GIGYF2: variants seen among roughly 807,000 people sequenced by gnomAD.
The protein encoded by GIGYF2 is GRB10-interacting GYF protein 2.
GIGYF2 carries 25 observed loss-of-function variants against 208.1 expected under a neutral mutation model. The observed-to-expected ratio is 0.12, with a 90% CI of 0.09 to 0.17. GIGYF2 has a LOEUF of 0.17. Ranked by LOEUF, GIGYF2 falls within the 10% of genes least tolerant of loss-of-function variation. The pLI is 1.00. For synonymous variants in GIGYF2, 534 were observed against 543.8 expected (o/e 0.98, Z 0.25); for missense variants, 1,302 against 1,579.4 (o/e 0.82, Z 2.98).
At chr2:232,742,340 AG>A (rs1336066725) in intron 3 of GIGYF2, among the ~76,000 whole-genome samples, 2 of 152,192 alleles carry the variant, frequency 1.3e-5, no homozygotes, top group African/African-American at 4.8e-5. Flanking sequence ...CAGGAGTTCA[AG>A]ACCAGCCTGA....
chr2:232,775,548 T>C (rs566391825), intron 8 of GIGYF2, among the ~76,000 whole-genome samples: 21 of 152,240 alleles, frequency 1.4e-4, no homozygotes, highest in African/African-American at 4.8e-4. Context: ...CAATAGAAAG[T>C]GAGGTGGAAG....
At chr2:232,799,281 C>T (rs906962724) in intron 14 of GIGYF2, among the ~76,000 whole-genome samples, 4 of 151,868 alleles carry the variant, frequency 2.6e-5, no homozygotes, top group Non-Finnish European at 5.9e-5. Context: ...TGGTGGTTCA[C>T]GCCTGTAATT....
chr2:232,794,813 A>T lies in GIGYF2; in HGVS notation c.1348A>T (p.Ile450Leu), dbSNP rs753211238. The T allele has an allele frequency of 1.2e-6, 2 of 1,613,628 alleles. No individual in the cohort carries two copies. The highest frequency in any genetic ancestry group is 1.7e-6 in the Non-Finnish European group (2 of 1,179,706). The change falls in exon 13 of 29, where the codon ATA becomes TTA. Residue 450 changes from isoleucine (I) to leucine (L), a missense_variant. Physicochemically the swap from Ile to Leu is conservative, Grantham distance 5. Around this residue, in one of 8 missense-constraint regions of GIGYF2, gnomAD observed 235 missense variants for 218.8 expected, o/e 1.07. Transcript: ENST00000373563. ...IPSDTASPLLILPPPVPNPSP... is the reference protein window; with the variant it reads ...IPSDTASPLLLLPPPVPNPSP... ...TTCAGATACAGCCTCTCCTCTTCTC[A>T]TACTTCCACCTCCTGTTCCCAATCC...
chr2:232,814,805 A>G (rs1354569600), intron 18 of GIGYF2, among the ~76,000 whole-genome samples: 3 of 152,140 alleles, frequency 2.0e-5, no homozygotes, highest in African/African-American at 4.8e-5. Context: ...TAAACAATTT[A>G]TCTCTTTGGG....
At chr2:232,773,284 C>T (rs1397307174) in intron 8 of GIGYF2, among the ~76,000 whole-genome samples, 1 of 152,182 alleles carries the variant, frequency 6.6e-6, no homozygotes, top group African/African-American at 2.4e-5. Context: ...TTCATAGGCA[C>T]TGTGATAACT....
In GIGYF2 at chr2:232,787,207, T is replaced by C. The variant is rs758825740; in HGVS notation, c.590T>C (p.Ile197Thr). The change falls in exon 9 of 29, where the codon ATA becomes ACA. Residue 197 changes from isoleucine (I) to threonine (T), a missense_variant. Coordinates refer to ENST00000373563, the MANE Select transcript of GIGYF2 (RefSeq NM_001103146.3). Reference protein sequence around the residue: ...PTSVGRKHEFIRSESENWRIF... With the variant: ...PTSVGRKHEFTRSESENWRIF... ...TCAGTAGGGAGAAAGCATGAATTTA[T>C]ACGCTCAGAAAGTGAAAATTGGCGC... The C allele has an allele frequency of 6.2e-7, 1 of 1,614,070 alleles. No individual in the cohort carries two copies. Among genetic ancestry groups the C allele is most frequent in the Non-Finnish European group, 8.5e-7 (1 of 1,179,974 alleles).
rs1418699037 is a variant in GIGYF2, at chr2:232,768,553, G to A, written c.532+7117G>A. On this transcript the variant is annotated intron_variant, in intron 8 of 28. Transcript: ENST00000373563. ...GGTGTAATGGAGTGATAGTACGTTA[G>A]TGGAAAGATGAAGAATGGACATTCG... 27 of 1,614,044 alleles carry A rather than the reference G, an allele frequency of 1.7e-5. No individual in the cohort carries two copies. The highest frequency in any genetic ancestry group is 2.7e-5 in the African/African-American group (2 of 74,936).
chr2:232,759,270 T>G (rs1698658739), intron 6 of GIGYF2, among the ~76,000 whole-genome samples: 1 of 152,194 alleles, frequency 6.6e-6, no homozygotes, highest in Admixed American at 6.5e-5. Context: ...ATCATTTTTC[T>G]TTGGGTCATT....
chr2:232,762,712 A>G (rs1698797070), intron 8 of GIGYF2, among the ~76,000 whole-genome samples: 1 of 152,184 alleles, frequency 6.6e-6, no homozygotes, highest in African/African-American at 2.4e-5. Context: ...TCATTTATGA[A>G]TGTGGCATTG....
intron 27 of GIGYF2, among the ~76,000 whole-genome samples, chr2:232,849,972 CTG>C (rs1337359951): frequency 1.3e-5 from 2 of 152,150 alleles, no homozygotes; most frequent in East Asian, 3.8e-4. Flanking sequence ...GATACAGACT[CTG>C]TATGTACCAG....
At chr2:232,822,450 A>G (rs964123999) in intron 21 of GIGYF2, among the ~76,000 whole-genome samples, 3 of 152,236 alleles carry the variant, frequency 2.0e-5, no homozygotes, top group Non-Finnish European at 2.9e-5. Context: ...TGGGAGGCCA[A>G]GGCGGGCAGA....
chr2:232,816,854 C>T lies in GIGYF2; in HGVS notation c.2209-17C>T. On this transcript the variant is annotated splice_polypyrimidine_tract_variant and intron_variant, in intron 19 of 28. Transcript: ENST00000373563. ...GCTTGGTTTCAAGTTTCTAAGAGTACTCTTGTGTAATCACAGCTAGAGCAA... is the reference window on the plus strand; with the variant it reads ...GCTTGGTTTCAAGTTTCTAAGAGTATTCTTGTGTAATCACAGCTAGAGCAA... The T allele has an allele frequency of 6.2e-7, 1 of 1,602,426 alleles. No homozygotes were observed. Among genetic ancestry groups the T allele is most frequent in the Non-Finnish European group, 8.6e-7 (1 of 1,169,490 alleles).
At chr2:232,833,983 C>G (rs1304472947) in intron 22 of GIGYF2, among the ~76,000 whole-genome samples, 1 of 151,550 alleles carries the variant, frequency 6.6e-6, no homozygotes, top group African/African-American at 2.4e-5. Context: ...CAGGAGGGAG[C>G]TGGCCTGATA....
intron 14 of GIGYF2, among the ~76,000 whole-genome samples, chr2:232,802,898 ATTT>A (rs35474409): frequency 1.4e-5 from 2 of 143,754 alleles, no homozygotes; most frequent in African/African-American, 2.6e-5. Flanking sequence ...TTGTCCAGAG[ATTT>A]TTTTTTTTTT....
intron 3 of GIGYF2, among the ~76,000 whole-genome samples, chr2:232,742,940 G>T (rs755053245): frequency 6.6e-6 from 1 of 152,180 alleles, no homozygotes; most frequent in Non-Finnish European, 1.5e-5. Flanking sequence ...GACTATAGGA[G>T]AGGTCACAGC....
intron 2 of GIGYF2, among the ~76,000 whole-genome samples, chr2:232,720,588 TGTTTG>T (rs1559381564): frequency 2.1e-5 from 3 of 142,134 alleles, no homozygotes; most frequent in African/African-American, 5.1e-5. Flanking sequence ...TATATATTTT[TGTTTG>T]TTTGTTTGTT....
intron 21 of GIGYF2, 75 bp downstream of exon 21, chr2:232,820,060 A>T: frequency 6.4e-7 from 1 of 1,551,020 alleles, no homozygotes; most frequent in East Asian, 2.3e-5. Context: ...TTAGGACATT[A>T]AGGTAGCCTA....
At chr2:232,708,207 G>T (rs1244624775) in intron 2 of GIGYF2, among the ~76,000 whole-genome samples, 1 of 152,018 alleles carries the variant, frequency 6.6e-6, no homozygotes, top group Non-Finnish European at 1.5e-5. Context: ...CTATCCTCCC[G>T]CCTTGGTCTC....
chr2:232,833,387 G>A lies in GIGYF2; in HGVS notation c.2766+294G>A, dbSNP rs1327991377. On this transcript the variant is annotated intron_variant, in intron 22 of 28. Transcript: ENST00000373563. ...AGGCATGCCCCACCACACCCAGCTAGTTTTTTATATTTTTAGTAGAGATGG... is the reference window on the plus strand; with the variant it reads ...AGGCATGCCCCACCACACCCAGCTAATTTTTTATATTTTTAGTAGAGATGG... Among the ~76,000 whole-genome samples, 4 of 151,926 alleles carry A rather than the reference G, an allele frequency of 2.6e-5. No individual in the cohort carries two copies. In the East Asian group the frequency reaches 7.7e-4, roughly 29 times the overall value.
Sources: gnomAD v4.1 joint callset for allele counts (sites outside exome capture counted in the v4.1 genomes callset) on GRCh38, gnomAD v4.1.1 for gene constraint, gnomAD v4.1.1 regional missense constraint, MANE v1.5 for transcripts, NCBI Gene and HGNC (gene_info 2026-07-23, HGNC 2026-07-21) for gene names.